Variants in EVI5 observed in about 807,000 individuals in gnomAD.
EVI5 encodes ecotropic viral integration site 5 protein homolog.
A neutral mutation model predicts 112.0 loss-of-function variants in EVI5; 73 were observed. The ratio of observed to expected loss-of-function variants is 0.65; its 90% confidence interval spans 0.54 to 0.79. The LOEUF is 0.79. Ranked by LOEUF, EVI5 falls within the 30% of genes least tolerant of loss-of-function variation. The probability of loss-of-function intolerance (pLI) is 0.00; values close to 1 mark genes in which losing one functional copy is unlikely to be tolerated. For synonymous variants in EVI5, 305 were observed against 319.9 expected (o/e 0.95, Z 0.50); for missense variants, 900 against 968.8 (o/e 0.93, Z 0.94).
In EVI5 at chr1:92,548,341, C is replaced by T. The variant is rs1434714657; in HGVS notation, c.2166+15301G>A. Among the ~76,000 whole-genome samples the T allele has an allele frequency of 5.3e-5, 8 of 152,272 alleles. No individual in the cohort carries two copies. In the South Asian group the frequency reaches 6.2e-4, roughly 12 times the overall value. On this transcript the variant is annotated intron_variant, in intron 19 of 19. Coordinates refer to ENST00000684568, the MANE Select transcript of EVI5 (RefSeq NM_001350197.2). ...CTCAATAAATTCGGTATTGATTGGACGTATCTCAAAATAATAAGAGCTATT... is the reference window on the plus strand; with the variant it reads ...CTCAATAAATTCGGTATTGATTGGATGTATCTCAAAATAATAAGAGCTATT...
chr1:92,605,042 G>T (rs1296864648), intron 18 of EVI5, among the ~76,000 whole-genome samples: 1 of 152,140 alleles, frequency 6.6e-6, no homozygotes, highest in Non-Finnish European at 1.5e-5. Flanking sequence ...TGGGCAAAGA[G>T]GTTCAGTTAG....
chr1:92,551,040 CTTTT>C (rs55898086), intron 19 of EVI5, among the ~76,000 whole-genome samples: 6 of 80,702 alleles, frequency 7.4e-5, no homozygotes, highest in Non-Finnish European at 1.3e-4. Flanking sequence ...TTCTTTCTTT[CTTTT>C]TTTTTTTTTT....
At chr1:92,553,577 A>T (rs1667284895) in intron 19 of EVI5, among the ~76,000 whole-genome samples, 1 of 152,128 alleles carries the variant, frequency 6.6e-6, no homozygotes, top group Non-Finnish European at 1.5e-5. Context: ...CTGGGATTAC[A>T]GGCGTGAGCC....
chr1:92,555,336 A>G (rs767083476), intron 19 of EVI5, among the ~76,000 whole-genome samples: 7 of 152,212 alleles, frequency 4.6e-5, no homozygotes, highest in Non-Finnish European at 1.0e-4. Flanking sequence ...GTTCTTCTTA[A>G]ACATTAAAAT....
At chr1:92,696,777 G>A (rs545934800) in intron 6 of EVI5, among the ~76,000 whole-genome samples, 3 of 152,252 alleles carry the variant, frequency 2.0e-5, no homozygotes, top group Non-Finnish European at 2.9e-5. Context: ...GGTGGCTCAC[G>A]CCTGTGATCC....
intron 13 of EVI5, among the ~76,000 whole-genome samples, chr1:92,648,707 T>C (rs933790392): frequency 6.6e-6 from 1 of 152,234 alleles, no homozygotes; most frequent in Non-Finnish European, 1.5e-5. Context: ...CATATATTAG[T>C]ACTTCATTCC....
Position 92,517,575 on chromosome 1 carries a change from C to A in EVI5, c.2167-3605G>T, listed in dbSNP as rs903200735. On this transcript the variant is annotated intron_variant, in intron 19 of 19. Coordinates refer to ENST00000684568, the MANE Select transcript of EVI5 (RefSeq NM_001350197.2). The stretch of plus-strand genomic sequence containing the variant: ...TGAACTATGAACATCTGACTAGTGT[C>A]TGGTATGTAGAAATGGATGCGATCT... 1.2e-4 allele frequency among the ~76,000 whole-genome samples: 19 copies of A among 152,322 alleles called. 1 individual carries two copies. The highest frequency in any genetic ancestry group is 3.9e-4 in the Admixed American group (6 of 15,302).
chr1:92,752,822 A>G (rs185636790), intron 1 of EVI5, among the ~76,000 whole-genome samples: 25 of 152,198 alleles, frequency 1.6e-4, no homozygotes, highest in Admixed American at 7.2e-4. Flanking sequence ...CAGTGAGCCC[A>G]CTGCTTAGTA....
intron 14 of EVI5, among the ~76,000 whole-genome samples, chr1:92,626,501 T>C (rs1293241773): frequency 6.6e-6 from 1 of 152,244 alleles, no homozygotes; most frequent in Non-Finnish European, 1.5e-5. Flanking sequence ...CAAAAGTTTT[T>C]GTGTAGACTT....
At chr1:92,566,127 T>A (rs2100935972) in intron 18 of EVI5, among the ~76,000 whole-genome samples, 1 of 152,114 alleles carries the variant, frequency 6.6e-6, no homozygotes, top group African/African-American at 2.4e-5. Context: ...TCCTAAAAAC[T>A]CCCTGTTTTT....
intron 9 of EVI5, among the ~76,000 whole-genome samples, chr1:92,680,961 C>T (rs1667488281): frequency 6.6e-6 from 1 of 152,122 alleles, no homozygotes; most frequent in Non-Finnish European, 1.5e-5. Flanking sequence ...AAATCCTACA[C>T]ATGATCCTAG....
intron 14 of EVI5, among the ~76,000 whole-genome samples, chr1:92,632,924 G>C (rs890559492): frequency 1.3e-5 from 2 of 152,138 alleles, no homozygotes; most frequent in Non-Finnish European, 2.9e-5. Context: ...CCTTCATTTT[G>C]TTATGTACCC....
At chr1:92,612,176 C>T (rs4847232) in intron 16 of EVI5, among the ~76,000 whole-genome samples, 140,075 of 152,010 alleles carry the variant, frequency 0.92, 64,619 homozygotes, top group East Asian at 0.97. Context: ...GCATTTTCAA[C>T]TTTTTTCAGG....
intron 19 of EVI5, among the ~76,000 whole-genome samples, chr1:92,548,496 G>A (rs1338216511): frequency 6.6e-6 from 1 of 151,996 alleles, no homozygotes; most frequent in African/African-American, 2.4e-5. Flanking sequence ...TTCTGGCCAG[G>A]GCAATCAGGC....
intron 18 of EVI5, among the ~76,000 whole-genome samples, chr1:92,587,371 C>G (rs186736284): frequency 1.6e-5 from 2 of 122,948 alleles, no homozygotes; most frequent in African/African-American, 6.4e-5. Flanking sequence ...AAGCCATAAA[C>G]GATTGTGCTT....
Position 92,702,417 on chromosome 1 carries a change from A to G in EVI5, c.565-202T>C, listed in dbSNP as rs562467016. 1.2e-3 allele frequency among the ~76,000 whole-genome samples: 186 copies of G among 151,066 alleles called. 6 individuals carry two copies. The South Asian group carries it at 0.038, about 30-fold the overall frequency. ...GAAATTTTATTTTGACAATTTCCCA[A>G]TCCAAACTTGCTAGCTCTAAAGACA... is the stretch of plus-strand genomic sequence containing the variant. On this transcript the variant is annotated intron_variant, in intron 4 of 19. Coordinates refer to ENST00000684568, the MANE Select transcript of EVI5 (RefSeq NM_001350197.2).
intron 1 of EVI5, among the ~76,000 whole-genome samples, chr1:92,778,230 G>A (rs145856095): frequency 6.6e-6 from 1 of 152,184 alleles, no homozygotes; most frequent in Non-Finnish European, 1.5e-5. Context: ...TTCTAAGCCA[G>A]CAATGCTGAC....
At chr1:92,538,458 TG>T (rs1296387421) in intron 19 of EVI5, among the ~76,000 whole-genome samples, 1 of 152,232 alleles carries the variant, frequency 6.6e-6, no homozygotes, top group Non-Finnish European at 1.5e-5. Context: ...CTTTTCTATT[TG>T]GATTGGATTC....
chr1:92,558,337 T>TCA (rs34643605), intron 19 of EVI5, among the ~76,000 whole-genome samples: 129,448 of 151,994 alleles, frequency 0.85, 55,498 homozygotes, highest in East Asian at 0.97. Flanking sequence ...AATTTCAGAC[T>TCA]CATATCCACT....
Sources: gnomAD v4.1 joint callset for allele counts (sites outside exome capture counted in the v4.1 genomes callset) on GRCh38, gnomAD v4.1.1 for gene constraint, MANE v1.5 for transcripts, NCBI Gene and HGNC (gene_info 2026-07-23, HGNC 2026-07-21) for gene names.